TRO: variants seen among roughly 807,000 people sequenced by gnomAD.
TRO encodes MAGE superfamily protein.
Under a neutral mutation model 42.3 loss-of-function variants are expected in TRO, and 29 were observed. That is an observed-to-expected ratio of 0.68 (90% CI 0.51 to 0.93). The LOEUF is 0.93. Among genes scored for constraint, TRO ranks in the 40% least tolerant of loss-of-function variants. The pLI is 0.00. For synonymous variants in TRO, 384 were observed against 425.2 expected (o/e 0.90, Z 1.19); for missense variants, 963 against 1,127.7 (o/e 0.85, Z 2.09).
intron 10 of TRO, chrX:54,927,442 TG>T: frequency 2.2e-6 from 1 of 455,054 alleles, no homozygotes; most frequent in South Asian, 3.3e-5. Flanking sequence ...ATGTCTCCCC[TG>T]GAGAAGCCCA....
chrX:54,927,801 A>T lies in TRO; in HGVS notation c.1878+20A>T. 1.7e-6 allele frequency: 2 copies of T among 1,182,299 alleles called. No individual in the cohort carries two copies. Among genetic ancestry groups the T allele is most frequent in the Non-Finnish European group, 2.3e-6 (2 of 871,670 alleles). On this transcript the variant is annotated intron_variant, in intron 11 of 12. Coordinates refer to ENST00000173898, the MANE Select transcript of TRO (RefSeq NM_001039705.3). ...TGCAGGGTAAGAGGAGAGCTGCCCG[A>T]GCTTGGCATATTAAGGCAATGGGAT...
chrX:54,923,658 A>G lies in TRO; in HGVS notation c.1126A>G (p.Ser376Gly), dbSNP rs1932400431. 4 of 1,209,961 alleles carry G rather than the reference A, an allele frequency of 3.3e-6. No homozygotes were observed. Among genetic ancestry groups the G allele is most frequent in the Non-Finnish European group, 4.5e-6 (4 of 894,912 alleles). The change falls in exon 3 of 13, where the codon AGT becomes GGT. Residue 376 changes from serine to glycine, a missense_variant. Ser to Gly is a moderately conservative substitution (Grantham distance 56, BLOSUM62 0). This residue lies in a region of TRO where 322 missense variants were observed against 316.5 expected (regional missense o/e 1.02). Coordinates refer to ENST00000173898, the MANE Select transcript of TRO (RefSeq NM_001039705.3). Reference protein sequence around the residue: ...AKIASAQTNVSALETQVAAAV... With the variant: ...AKIASAQTNVGALETQVAAAV... ...GATAGCCTCTGCTCAGACCAACGTA[A>G]GTGCCCTTGAGACTCAGGTTGCTGC...
Position 54,927,032 on chromosome X carries a change from C to T in TRO, c.1701-11C>T, listed in dbSNP as rs191585896. On this transcript the variant is annotated splice_polypyrimidine_tract_variant and intron_variant, in intron 9 of 12. Transcript: ENST00000173898. The stretch of plus-strand genomic sequence containing the variant: ...TGATCTGTGTTCATGGGTTATTTTT[C>T]CCATTGTCAGGGTGAGGCATTCACT... The T allele has an allele frequency of 3.5e-4, 424 of 1,209,374 alleles. No individual in the cohort carries two copies. The African/African-American group carries it at 6.2e-3, about 18-fold the overall frequency.
chrX:54,922,178 C>T (rs967706552), intron 1 of TRO, 25 bp from the exon 2 acceptor site: 1 of 1,106,055 alleles, frequency 9.0e-7, no homozygotes, highest in African/African-American at 1.8e-5. Flanking sequence ...ATGAATCTCC[C>T]CCTCCCTCTC....
intron 12 of TRO, 43 bp from the exon 13 acceptor site, chrX:54,931,161 T>C (rs1409285345): frequency 1.2e-5 from 15 of 1,204,467 alleles, no homozygotes; most frequent in East Asian, 3.0e-5. Flanking sequence ...GAGAAGACAG[T>C]GTATTTGGTG....
rs745936517 is a variant in TRO at position 54,923,708 on chromosome X, C to T, written c.1176C>T (p.Asp392=). ...VAAAVQALAD[D]YLAQLSLEPT... ...CTGCTGTCCAGGCCCTGGCAGATGA[C>T]TATCTGGCTCAGTTGAGCCTGGAGC... is the stretch of plus-strand genomic sequence containing the variant. Residue 392 remains aspartate (D), a synonymous_variant, in exon 3 of 13, where the codon GAC becomes GAT. Transcript: ENST00000173898. The T allele has an allele frequency of 8.3e-7, 1 of 1,210,997 alleles. No individual in the cohort carries two copies. Among genetic ancestry groups the T allele is most frequent in the South Asian group, 1.8e-5 (1 of 56,506 alleles).
Position 54,925,618 on chromosome X carries a change from T to C in TRO, c.1512T>C (p.Ile504=). The change falls in exon 7 of 13, where the codon ATT becomes ATC. Residue 504 remains isoleucine (I), a synonymous_variant. Coordinates refer to ENST00000173898, the MANE Select transcript of TRO (RefSeq NM_001039705.3). ...EKMFRVNLKE[I]DKQSSLYILI... is the part of the protein sequence containing the mutation. ...TGTTTCGAGTCAATCTGAAAGAAAT[T>C]GATAAGCAAAGTAGCTTGTATATTC... 4 of 1,210,918 alleles carry C rather than the reference T, an allele frequency of 3.3e-6. No individual in the cohort carries two copies. Among genetic ancestry groups the C allele is most frequent in the Non-Finnish European group, 4.5e-6 (4 of 894,931 alleles).
Position 54,922,859 on chromosome X carries a change from G to A in TRO, c.327G>A (p.Leu109=). 1 of 1,211,206 alleles carries A rather than the reference G, an allele frequency of 8.3e-7. No individual in the cohort carries two copies. Among genetic ancestry groups the A allele is most frequent in the Non-Finnish European group, 1.1e-6 (1 of 895,236 alleles). The change falls in exon 3 of 13, where the codon CTG becomes CTA. Residue 109 remains leucine (L), a synonymous_variant. Coordinates refer to ENST00000173898, the MANE Select transcript of TRO (RefSeq NM_001039705.3). ...KPKITWQALN[L]PVITQISQAL... ...AAATAACTTGGCAGGCTTTAAACCTGCCAGTCATTACCCAGATCAGCCAGG... is the reference window on the plus strand; with the variant it reads ...AAATAACTTGGCAGGCTTTAAACCTACCAGTCATTACCCAGATCAGCCAGG...
chrX:54,923,603 T>A lies in TRO; in HGVS notation c.1071T>A (p.Thr357=). The A allele has an allele frequency of 8.3e-7, 1 of 1,205,085 alleles. No individual in the cohort carries two copies. Residue 357 remains threonine (T), a synonymous_variant, in exon 3 of 13, where the codon ACT becomes ACA. Transcript: ENST00000173898. ...ATKARATESQ[T]PNADQGAQAK... is the part of the protein sequence containing the mutation. ...AGGCTCGGGCAACTGAAAGCCAGAC[T>A]CCAAATGCTGACCAAGGGGCCCAGG...
rs758581720 is a variant in TRO at position 54,929,096 on chromosome X, C to T, written c.2372C>T (p.Ala791Val). ...LSTSSSFSSA[A>V]SISFGCAHST... is the part of the protein sequence containing the mutation. ...ACTAGCTCCAGCTTCAGCAGCGCAG[C>T]CAGCATTAGCTTTGGTTGTGCACAC... Residue 791 changes from alanine to valine, a missense_variant, in exon 12 of 13, where the codon GCC becomes GTC. Physicochemically the swap from Ala to Val is moderately conservative, Grantham distance 64. This residue lies in a region of TRO where 641 missense variants were observed against 811.3 expected (regional missense o/e 0.79). Coordinates refer to ENST00000173898, the MANE Select transcript of TRO (RefSeq NM_001039705.3). 2 of 1,212,341 alleles carry T rather than the reference C, an allele frequency of 1.6e-6. No homozygotes were observed. Among genetic ancestry groups the T allele is most frequent in the Non-Finnish European group, 2.2e-6 (2 of 895,630 alleles).
intron 12 of TRO, 37 bp downstream of exon 12, chrX:54,931,068 A>G (rs1257931664): frequency 6.0e-6 from 7 of 1,170,175 alleles, no homozygotes; most frequent in Non-Finnish European, 8.0e-6. Flanking sequence ...ACCCACAGGG[A>G]TGGGTACAAG....
chrX:54,924,614 C>T (rs1227483453), intron 4 of TRO, 56 bp from the exon 5 acceptor site: 6 of 1,200,181 alleles, frequency 5.0e-6, no homozygotes, highest in South Asian at 1.8e-5. Context: ...TCTCTGCCTC[C>T]TTCCAAGTTT....
At position 54,925,655 on chromosome X, in the gene TRO, C is replaced by G. The variant is rs1322435987; in HGVS notation, c.1549C>G (p.Gln517Glu). The G allele has an allele frequency of 1.7e-6, 2 of 1,208,567 alleles. No individual in the cohort carries two copies. Among genetic ancestry groups the G allele is most frequent in the Non-Finnish European group, 2.2e-6 (2 of 894,184 alleles). Reference protein sequence around the residue: ...QSSLYILISTQESSAGILGTT... With the variant: ...QSSLYILISTEESSAGILGTT... ...TAGCTTGTATATTCTCATCAGCACT[C>G]AGGAATCCTCTGCAGGCATACTGGG... Residue 517 changes from glutamine to glutamate, a missense_variant, in exon 7 of 13, where the codon CAG (glutamine) becomes GAG (glutamate). Gln to Glu is a conservative substitution (Grantham distance 29). Transcript: ENST00000173898.
rs1932241756 is a variant in TRO at position 54,922,696 on chromosome X, C to G, written c.164C>G (p.Ser55Cys). ...MHTLLAATKDSLAMDPPVVNR... is the reference protein window; with the variant it reads ...MHTLLAATKDCLAMDPPVVNR... ...ACCCTGTTGGCGGCAACCAAGGACT[C>G]CCTGGCCATGGACCCACCAGTTGTC... Residue 55 changes from serine (S) to cysteine (C), a missense_variant, in exon 3 of 13, where the codon TCC becomes TGC. Ser to Cys is a moderately radical substitution (Grantham distance 112, BLOSUM62 -1). Coordinates refer to ENST00000173898, the MANE Select transcript of TRO (RefSeq NM_001039705.3). The G allele has an allele frequency of 8.3e-7, 1 of 1,208,914 alleles. No homozygotes were observed. Among genetic ancestry groups the G allele is most frequent in the African/African-American group, 1.8e-5 (1 of 56,952 alleles).
chrX:54,928,676 C>A lies in TRO; in HGVS notation c.1952C>A (p.Ala651Asp). Residue 651 changes from alanine (A) to aspartate (D), a missense_variant, in exon 12 of 13, where the codon GCT becomes GAT. By Grantham distance (126) the Ala-to-Asp change is moderately radical (BLOSUM62 -2). Around this residue, in one of 2 missense-constraint regions of TRO, gnomAD observed 641 missense variants for 811.3 expected, o/e 0.79. Transcript: ENST00000173898. ...EAVEMEVQAA[A>D]VAVAEAEARA... The stretch of plus-strand genomic sequence containing the variant: ...GTGGAGATGGAAGTCCAAGCTGCAG[C>A]TGTGGCTGTGGCTGAGGCTGAAGCC... 1 of 1,203,963 alleles carries A rather than the reference C, an allele frequency of 8.3e-7. No homozygotes were observed. The highest frequency in any genetic ancestry group is 1.8e-5 in the South Asian group (1 of 55,136).
intron 4 of TRO, 57 bp from the exon 5 acceptor site, chrX:54,924,613 C>T: frequency 1.7e-6 from 2 of 1,200,918 alleles, no homozygotes; most frequent in Non-Finnish European, 2.3e-6. Flanking sequence ...TTCTCTGCCT[C>T]CTTCCAAGTT....
Position 54,930,764 on chromosome X carries a change from T to C in TRO, c.4040T>C (p.Phe1347Ser). The change falls in exon 12 of 13, where the codon TTT becomes TCT. Residue 1347 changes from phenylalanine to serine, a missense_variant. By Grantham distance (155) the Phe-to-Ser change is radical. Around this residue, in one of 2 missense-constraint regions of TRO, gnomAD observed 641 missense variants for 811.3 expected, o/e 0.79. Transcript: ENST00000173898. ...AGTGGTTCCAACACCAGCACTGGCT[T>C]TACTGGCGAACCCAGCACCAGCACG... The part of the protein sequence containing the change: ...FGSGSNTSTG[F>S]TGEPSTSTGF... 1 of 1,212,100 alleles carries C rather than the reference T, an allele frequency of 8.3e-7. No homozygotes were observed. The highest frequency in any genetic ancestry group is 1.8e-5 in the South Asian group (1 of 57,048).
At position 54,922,647 on chromosome X, in the gene TRO, G is replaced by C. The variant is rs755288134; in HGVS notation, c.115G>C (p.Glu39Gln). The C allele has an allele frequency of 1.8e-5, 22 of 1,209,626 alleles. No individual in the cohort carries two copies. The highest frequency in any genetic ancestry group is 2.5e-5 in the Non-Finnish European group (22 of 895,135). The change falls in exon 3 of 13, where the codon GAG becomes CAG. Residue 39 changes from glutamate (E) to glutamine (Q), a missense_variant. Physicochemically the swap from Glu to Gln is conservative, Grantham distance 29. Transcript: ENST00000173898. Reference protein sequence around the residue: ...PPDIQTETTEEDSVLLMHTLL... With the variant: ...PPDIQTETTEQDSVLLMHTLL... The stretch of plus-strand genomic sequence containing the variant: ...AGATATACAGACTGAGACCACAGAA[G>C]AGGACAGTGTCCTGCTGATGCATAC...
intron 11 of TRO, 47 bp from the exon 12 acceptor site, chrX:54,928,556 T>C (rs1281859379): frequency 1.8e-6 from 2 of 1,129,890 alleles, no homozygotes; most frequent in Non-Finnish European, 2.3e-6. Flanking sequence ...GGTTAATACA[T>C]GATTACTAGG....
Sources: allele counts gnomAD v4.1 joint callset, GRCh38; gene constraint gnomAD v4.1.1; regional missense constraint gnomAD v4.1.1; transcripts MANE v1.5; gene names NCBI Gene and HGNC (gene_info 2026-07-23, HGNC 2026-07-21).